PCDHGA4: variants seen among roughly 807,000 people sequenced by gnomAD.
The protein encoded by PCDHGA4 is protocadherin gamma subfamily A, 4, also known as protocadherin gamma-A4.
In PCDHGA4, 38 loss-of-function variants were observed where a neutral mutation model predicts 54.6. The observed-to-expected ratio is 0.70, with a 90% CI of 0.54 to 0.91. PCDHGA4 has a LOEUF of 0.91. PCDHGA4 is among the 40% of genes least tolerant of loss of function. The probability of loss-of-function intolerance (pLI) is 0.00; values close to 1 mark genes in which losing one functional copy is unlikely to be tolerated. For missense variants in PCDHGA4, 1,298 were observed against 1,220.9 expected, an observed-to-expected ratio of 1.06 and a Z score of -0.94; for synonymous variants, 511 against 512.9, an observed-to-expected ratio of 1.00 and a Z score of 0.05.
Position 141,486,979 on chromosome 5 carries a change from C to T in PCDHGA4, c.2515-7828C>T. On this transcript the variant is annotated intron_variant, in intron 1 of 3. Transcript: ENST00000571252. This position sits in a 1 kb window ranked among gnomAD's most constrained non-coding sequence, Gnocchi z 5.0. ...CTGCTGTGGACTTGGATTCAGGTTACAATGCTTGGGTTTCCTATCAGCTCC... is the reference window on the plus strand; with the variant it reads ...CTGCTGTGGACTTGGATTCAGGTTATAATGCTTGGGTTTCCTATCAGCTCC... 6.2e-7 allele frequency: 1 copy of T among 1,614,200 alleles called. No individual in the cohort carries two copies. Among genetic ancestry groups the T allele is most frequent in the Non-Finnish European group, 8.5e-7 (1 of 1,180,032 alleles).
At chr5:141,403,314 T>C (rs1178188100) in intron 1 of PCDHGA4, 7 of 1,613,856 alleles carry the variant, frequency 4.3e-6, no homozygotes, top group Non-Finnish European at 5.1e-6. Flanking sequence ...GGAATAGAAA[T>C]AGAAGTAACT....
intron 1 of PCDHGA4, chr5:141,415,772 T>TTTA (rs1561760673): frequency 5.3e-6 from 7 of 1,332,980 alleles, no homozygotes; most frequent in Non-Finnish European, 6.7e-6. Flanking sequence ...TTTTTTTTTT[T>TTTA]ACTTTCTGGT....
chr5:141,358,149 C>T (rs1216761521), intron 1 of PCDHGA4, among the ~76,000 whole-genome samples: 1 of 152,210 alleles, frequency 6.6e-6, no homozygotes, highest in Non-Finnish European at 1.5e-5. Context: ...GAGATCATGA[C>T]ACTGTACTCC....
chr5:141,432,227 T>C lies in PCDHGA4; in HGVS notation c.2515-62580T>C, dbSNP rs1046414550. On this transcript the variant is annotated intron_variant, in intron 1 of 3. Coordinates refer to ENST00000571252, the MANE Select transcript of PCDHGA4 (RefSeq NM_018917.4). This position sits in a 1 kb window ranked among gnomAD's most constrained non-coding sequence, Gnocchi z 6.0. ...TGAAGAGAACGCCCAGATCACTTATTCCCTGGCTGAGAACACCATCCAAGG... is the reference window on the plus strand; with the variant it reads ...TGAAGAGAACGCCCAGATCACTTATCCCCTGGCTGAGAACACCATCCAAGG... 1.4e-5 allele frequency: 22 copies of C among 1,614,080 alleles called. No individual in the cohort carries two copies. The highest frequency in any genetic ancestry group is 1.8e-5 in the Non-Finnish European group (21 of 1,180,042).
chr5:141,432,335 C>T lies in PCDHGA4; in HGVS notation c.2515-62472C>T, dbSNP rs146691720. On this transcript the variant is annotated intron_variant, in intron 1 of 3. Coordinates refer to ENST00000571252, the MANE Select transcript of PCDHGA4 (RefSeq NM_018917.4). This position sits in a 1 kb window ranked among gnomAD's most constrained non-coding sequence, Gnocchi z 6.0. ...GAGCTCCTTCGACTACGAGCAGTTC[C>T]GAGACTTGCAAGTGAAAGTGATGGC... 2.6e-5 allele frequency: 42 copies of T among 1,614,126 alleles called. No individual in the cohort carries two copies. Among genetic ancestry groups the T allele is most frequent in the African/African-American group, 1.2e-4 (9 of 74,940 alleles).
intron 1 of PCDHGA4, chr5:141,421,325 G>A: frequency 6.2e-7 from 1 of 1,613,906 alleles, no homozygotes; most frequent in Non-Finnish European, 8.5e-7. Context: ...AGGCAGATCC[G>A]ATATTCGGTG....
chr5:141,357,388 A>T lies in PCDHGA4; in HGVS notation c.2281A>T (p.Ser761Cys). 4 of 1,614,224 alleles carry T rather than the reference A, an allele frequency of 2.5e-6. No individual in the cohort carries two copies. Among genetic ancestry groups the T allele is most frequent in the Non-Finnish European group, 3.4e-6 (4 of 1,180,024 alleles). The change falls in exon 1 of 4, where the codon AGC becomes TGC. Residue 761 changes from serine to cysteine, a missense_variant. By Grantham distance (112) the Ser-to-Cys change is moderately radical. Transcript: ENST00000571252. Reference protein sequence around the residue: ...HKSRLLHAEGSRLAGVPASHF... With the variant: ...HKSRLLHAEGCRLAGVPASHF... ...GTCACGCCTGCTTCACGCTGAAGGC[A>T]GCAGGTTGGCAGGTGTGCCTGCCTC... is the stretch of plus-strand genomic sequence containing the variant.
intron 1 of PCDHGA4, chr5:141,360,132 G>A (rs1234276990): frequency 6.3e-7 from 1 of 1,589,922 alleles, no homozygotes; most frequent in Non-Finnish European, 8.6e-7. Flanking sequence ...AAGGGAGCCA[G>A]AAGATGAAAG....
chr5:141,409,116 A>G (rs1236625059), intron 1 of PCDHGA4: 1 of 1,614,034 alleles, frequency 6.2e-7, no homozygotes. Flanking sequence ...AAGAATAACC[A>G]GTCATTTGAT....
In PCDHGA4 at chr5:141,500,452, G is replaced by A. The variant is rs554196222; in HGVS notation, c.2574-4941G>A. 2.6e-3 allele frequency among the ~76,000 whole-genome samples: 398 copies of A among 151,620 alleles called. 2 individuals carry two copies. The highest frequency in any genetic ancestry group is 0.021 in the South Asian group (99 of 4,798). On this transcript the variant is annotated intron_variant, in intron 2 of 3. Transcript: ENST00000571252. ...TCTCGATCTCCTGACCTCGTGATCC[G>A]CCCGCCTCGGCCTCCCAAAGTGCTG... is the stretch of plus-strand genomic sequence containing the variant.
At chr5:141,402,872 T>C in intron 1 of PCDHGA4, 1 of 1,455,372 alleles carries the variant, frequency 6.9e-7, no homozygotes, top group Non-Finnish European at 9.1e-7. Flanking sequence ...AAGATCACCA[T>C]ACTTTGCAGG....
At chr5:141,425,159 G>T (rs557552439) in intron 1 of PCDHGA4, among the ~76,000 whole-genome samples, 1 of 152,244 alleles carries the variant, frequency 6.6e-6, no homozygotes, top group Non-Finnish European at 1.5e-5. Context: ...AGCATCTAGG[G>T]ATAGGATTTA....
intron 1 of PCDHGA4, chr5:141,392,261 A>C (rs2150475228): frequency 6.6e-6 from 1 of 152,338 alleles, no homozygotes; most frequent in Admixed American, 6.5e-5. Flanking sequence ...TATTGGAGAC[A>C]TTTACAATAA....
At chr5:141,496,172 T>C (rs942740022) in intron 2 of PCDHGA4, among the ~76,000 whole-genome samples, 1 of 151,672 alleles carries the variant, frequency 6.6e-6, no homozygotes, top group Non-Finnish European at 1.5e-5. Context: ...CACCCTCCCA[T>C]CCAAGCAGCC....
rs148641580 is a variant in PCDHGA4 at position 141,437,874 on chromosome 5, A to C, written c.2515-56933A>C. 3.9e-4 allele frequency among the ~76,000 whole-genome samples: 59 copies of C among 151,954 alleles called. 1 individual carries two copies. In the East Asian group the frequency reaches 5.8e-3, roughly 15 times the overall value. Reference sequence around the variant, plus strand: ...TGCCTTAGCCTCCCGAGTAGCTGGGACTACAGGCACACGCCACCACACCCA... The same window carrying C: ...TGCCTTAGCCTCCCGAGTAGCTGGGCCTACAGGCACACGCCACCACACCCA... On this transcript the variant is annotated intron_variant, in intron 1 of 3. Transcript: ENST00000571252.
At chr5:141,388,814 C>A in intron 1 of PCDHGA4, 1 of 1,613,826 alleles carries the variant, frequency 6.2e-7, no homozygotes, top group Non-Finnish European at 8.5e-7. Context: ...TTGAAGAAGT[C>A]AAAGAATATT....
chr5:141,432,800 C>T lies in PCDHGA4; in HGVS notation c.2515-62007C>T. The T allele has an allele frequency of 6.2e-7, 1 of 1,614,156 alleles. No individual in the cohort carries two copies. The highest frequency in any genetic ancestry group is 8.5e-7 in the Non-Finnish European group (1 of 1,180,008). ...GGCGGACCTCGGCAGCCTCGAGTCT[C>T]CAGCTAACTCTGAAACCTCAGACCT... On this transcript the variant is annotated intron_variant, in intron 1 of 3. Transcript: ENST00000571252. This position sits in a 1 kb window ranked among gnomAD's most constrained non-coding sequence, Gnocchi z 6.0.
chr5:141,404,738 A>C (rs1361110725), intron 1 of PCDHGA4: 24 of 1,613,674 alleles, frequency 1.5e-5, no homozygotes, highest in Non-Finnish European at 1.9e-5. Flanking sequence ...GGCAGTGGAC[A>C]GAGACTCAGG....
intron 2 of PCDHGA4, among the ~76,000 whole-genome samples, chr5:141,500,023 G>C (rs1393994881): frequency 1.3e-5 from 2 of 151,754 alleles, no homozygotes; most frequent in Admixed American, 6.6e-5. Flanking sequence ...TTTTATATTT[G>C]AGTGAGTGTC....
Sources: gnomAD v4.1 joint callset for allele counts (sites outside exome capture counted in the v4.1 genomes callset) on GRCh38, gnomAD v4.1.1 for gene constraint, Gnocchi (gnomAD v3.1) non-coding constraint, MANE v1.5 for transcripts, NCBI Gene and HGNC (gene_info 2026-07-23, HGNC 2026-07-21) for gene names.